RABGEF1: variants seen among roughly 807,000 people sequenced by gnomAD.
RABGEF1 encodes the protein rab5 GDP/GTP exchange factor.
Under a neutral mutation model 57.3 loss-of-function variants are expected in RABGEF1, and 26 were observed. That is an observed-to-expected ratio of 0.45 (90% CI 0.33 to 0.63). The LOEUF is 0.63. Among genes scored for constraint, RABGEF1 ranks in the 20% least tolerant of loss-of-function variants. The pLI, the probability that RABGEF1 is intolerant of heterozygous loss-of-function variation, is 0.02. For missense variants in RABGEF1, 464 were observed against 607.6 expected (o/e 0.76, Z 2.48); for synonymous variants, 185 against 210.7 (o/e 0.88, Z 1.06).
intron 3 of RABGEF1, among the ~76,000 whole-genome samples, chr7:66,780,561 T>C (rs1328249433): frequency 6.6e-6 from 1 of 152,208 alleles, no homozygotes; most frequent in Non-Finnish European, 1.5e-5. Context: ...ATAGGTCAAG[T>C]TGGTTGATAG....
At chr7:66,737,093 CGAGAGA>C (rs141745026), upstream of RABGEF1, among the ~76,000 whole-genome samples, 149 of 127,368 alleles carry the variant, frequency 1.2e-3, no homozygotes, top group African/African-American at 3.3e-3. Flanking sequence ...AGAGCGAGAG[CGAGAGA>C]GAGAGAGAGA....
Position 66,810,258 on chromosome 7 carries a change from G to C in RABGEF1, c.*974G>C, listed in dbSNP as rs577695871. On this transcript the variant is annotated 3_prime_UTR_variant, in exon 9 of 9. Coordinates refer to ENST00000284957, the MANE Select transcript of RABGEF1 (RefSeq NM_014504.3). ...AGACATGTTTTCTGAACCTTTTTCAGGACATTTCAACCTCGGGACTATTCA... is the reference window on the plus strand; with the variant it reads ...AGACATGTTTTCTGAACCTTTTTCACGACATTTCAACCTCGGGACTATTCA... 1.3e-5 allele frequency: 2 copies of C among 152,268 alleles called. No homozygotes were observed. The highest frequency in any genetic ancestry group is 4.8e-5 in the African/African-American group (2 of 41,548). The allele number at this position is 152,268 out of a possible 1,614,324, so 9.4% of individuals were successfully genotyped here. A position where few individuals can be genotyped will look rare whatever the true frequency, so the allele number is the denominator to read the frequency against.
intron 1 of RABGEF1, among the ~76,000 whole-genome samples, chr7:66,692,074 CAAACAAAT>C (rs1043700184): frequency 2.0e-4 from 30 of 151,156 alleles, no homozygotes; most frequent in African/African-American, 5.4e-4. Context: ...AACAAACAAA[CAAACAAAT>C]AAATAAATAA....
At chr7:66,682,435 C>T (rs1423431172) in intron 1 of RABGEF1, among the ~76,000 whole-genome samples, 2 of 152,236 alleles carry the variant, frequency 1.3e-5, no homozygotes, top group Non-Finnish European at 2.9e-5. Context: ...TTTCAGGCCG[C>T]CCTCGGTTCC....
At chr7:66,705,443 AAGAGAGAGAGAGAGAGAGAG>A (rs57856916) in intron 1 of RABGEF1, among the ~76,000 whole-genome samples, 1 of 66,350 alleles carries the variant, frequency 1.5e-5, no homozygotes, top group African/African-American at 7.6e-5. Flanking sequence ...TCTCGAAAGA[AAGAGAGAGAGAGAGAGAGAG>A]AGAGAGAGAG....
At chr7:66,771,040 A>G (rs1806984180) in intron 1 of RABGEF1, among the ~76,000 whole-genome samples, 1 of 152,046 alleles carries the variant, frequency 6.6e-6, no homozygotes, top group Non-Finnish European at 1.5e-5. Flanking sequence ...TTAACCCCTT[A>G]TTAGATATAT....
At chr7:66,735,368 A>T (rs572343664) in intron 2 of RABGEF1, among the ~76,000 whole-genome samples, 20 of 152,248 alleles carry the variant, frequency 1.3e-4, no homozygotes, top group Non-Finnish European at 2.5e-4. Flanking sequence ...TTTATAGCAT[A>T]GTAGTTTAGA....
At chr7:66,729,817 G>A (rs747139846) in intron 2 of RABGEF1, among the ~76,000 whole-genome samples, 17 of 152,370 alleles carry the variant, frequency 1.1e-4, no homozygotes, top group South Asian at 4.1e-4. Context: ...TGTGGAGCAC[G>A]TCTGCCTGTG....
chr7:66,701,871 T>C (rs1468592744), intron 1 of RABGEF1, among the ~76,000 whole-genome samples: 1 of 152,186 alleles, frequency 6.6e-6, no homozygotes, highest in Non-Finnish European at 1.5e-5. Context: ...TGTTTATTAA[T>C]TTTTTTATTG....
upstream of RABGEF1, among the ~76,000 whole-genome samples, chr7:66,737,333 C>T (rs1798112391): frequency 6.6e-6 from 1 of 152,072 alleles, no homozygotes; most frequent in Non-Finnish European, 1.5e-5. Context: ...TGGCTCACTA[C>T]ATCCTTAATC....
chr7:66,776,428 C>G (rs1047852837), intron 3 of RABGEF1, among the ~76,000 whole-genome samples: 3 of 152,182 alleles, frequency 2.0e-5, no homozygotes, highest in Non-Finnish European at 2.9e-5. Flanking sequence ...TGCGGTAGCT[C>G]AAGCCTGTAA....
Position 66,730,947 on chromosome 7 carries a change from G to C in RABGEF1, c.-814-9049G>C, listed in dbSNP as rs566557324. ...AGGGAGGCACAGAACTGGCAGGGGT[G>C]GGGTGGATTCGGGGAGAATTGCCTG... On this transcript the variant is annotated intron_variant and NMD_transcript_variant, in intron 2 of 9. Transcript: ENST00000607882. Among the ~76,000 whole-genome samples the C allele has an allele frequency of 2.4e-4, 36 of 152,312 alleles. No homozygotes were observed. In the East Asian group the frequency reaches 6.9e-3, roughly 29 times the overall value.
At chr7:66,739,737 A>G (rs1798527011), upstream of RABGEF1, 1 of 151,808 alleles carries the variant, frequency 6.6e-6, no homozygotes, top group Admixed American at 6.6e-5. Context: ...CAATTAGCAA[A>G]GCTGGGATTT....
the RABGEF1 span, among the ~76,000 whole-genome samples, chr7:66,663,151 T>C: frequency 2.0e-5 from 3 of 152,270 alleles, no homozygotes; most frequent in African/African-American, 7.2e-5. Flanking sequence ...TAACCCAACC[T>C]ATTCCTTTAA....
chr7:66,657,541 G>A, the RABGEF1 span, among the ~76,000 whole-genome samples: 495 of 152,326 alleles, frequency 3.2e-3, 1 homozygote, highest in African/African-American at 1.0e-2. Context: ...AAATAAGAAA[G>A]CCAGCAGTGG....
At chr7:66,768,381 G>A (rs1562818035) in intron 1 of RABGEF1, among the ~76,000 whole-genome samples, 1 of 152,100 alleles carries the variant, frequency 6.6e-6, no homozygotes, top group East Asian at 1.9e-4. Flanking sequence ...TTTTTAAATT[G>A]GGTGGTTTGT....
the RABGEF1 span, chr7:66,669,208 G>C: frequency 2.0e-5 from 3 of 152,422 alleles, no homozygotes; most frequent in African/African-American, 7.2e-5. Flanking sequence ...CCTGGAGGAC[G>C]AATGAGGTCA....
At chr7:66,791,795 A>G (rs1487353732) in intron 4 of RABGEF1, among the ~76,000 whole-genome samples, 1 of 152,230 alleles carries the variant, frequency 6.6e-6, no homozygotes, top group Non-Finnish European at 1.5e-5. Context: ...TTTTAGAAAA[A>G]TAAAACGACA....
upstream of RABGEF1, among the ~76,000 whole-genome samples, chr7:66,678,759 G>C (rs912720311): frequency 2.0e-5 from 3 of 152,080 alleles, no homozygotes; most frequent in African/African-American, 7.2e-5. Flanking sequence ...CTCCCACAGG[G>C]AAACTCAGAC....
Sources: gnomAD v4.1 joint callset for allele counts (sites outside exome capture counted in the v4.1 genomes callset) on GRCh38, gnomAD v4.1.1 for gene constraint, MANE v1.5 for transcripts, NCBI Gene and HGNC (gene_info 2026-07-23, HGNC 2026-07-21) for gene names.